The following LUZP4 variants were observed in gnomAD, a reference collection of about 807,000 sequenced individuals.
The protein encoded by LUZP4 is leucine zipper protein 4.
A neutral mutation model predicts 8.5 loss-of-function variants in LUZP4; 11 were observed. The ratio of observed to expected loss-of-function variants is 1.30; its 90% CI spans 0.82 to 2.14. The LOEUF is 2.14. Among genes scored for constraint, LUZP4 ranks in the 30% most tolerant of loss-of-function variants. LUZP4 has a pLI of 0.00. For synonymous variants in LUZP4, 104 were observed against 79.4 expected (o/e 1.31, Z -1.65); for missense variants, 276 against 229.7 (o/e 1.20, Z -1.30).
At chrX:115,303,847 C>G (rs2073408841) in intron 3 of LUZP4, among the ~76,000 whole-genome samples, 1 of 111,798 alleles carries the variant, frequency 8.9e-6, no homozygotes, top group African/African-American at 3.3e-5. Flanking sequence ...CACAGACTAT[C>G]CCTGTACAAA....
At chrX:115,296,351 G>T (rs1355978601) in intron 1 of LUZP4, among the ~76,000 whole-genome samples, 2 of 111,323 alleles carry the variant, frequency 1.8e-5, no homozygotes, top group Non-Finnish European at 3.8e-5. Context: ...AGTATATCAA[G>T]AATTCAAATT....
In LUZP4 at chrX:115,289,912, C is replaced by T; in HGVS notation, c.91+62C>T. The T allele has an allele frequency of 7.2e-6, 6 of 829,845 alleles. No homozygotes were observed. The South Asian group carries it at 1.1e-4, about 15-fold the overall frequency. 68.4% of individuals were successfully genotyped at this position (829,845 alleles called of 1,213,427 possible). A position where few individuals can be genotyped will look rare whatever the true frequency, so the allele number is the denominator to read the frequency against. Reference sequence around the variant, plus strand: ...GGCTCACTGGTCTTGAGCGCAAGACCTCGGCATAGCGCTTACTAGAAGTGG... The same window carrying T: ...GGCTCACTGGTCTTGAGCGCAAGACTTCGGCATAGCGCTTACTAGAAGTGG... On this transcript the variant is annotated intron_variant, in intron 1 of 3. Coordinates refer to ENST00000371920, the MANE Select transcript of LUZP4 (RefSeq NM_016383.5).
chrX:115,306,131 T>C, intron 3 of LUZP4, 74 bp from the exon 4 acceptor site: 1 of 1,053,880 alleles, frequency 9.5e-7, no homozygotes, highest in Non-Finnish European at 1.3e-6. Flanking sequence ...AAAATGGTCT[T>C]GAGAATATAT....
intron 1 of LUZP4, among the ~76,000 whole-genome samples, chrX:115,291,230 G>C (rs1280406794): frequency 2.7e-5 from 3 of 111,240 alleles, no homozygotes; most frequent in Non-Finnish European, 5.7e-5. Context: ...CTCTCGAGTA[G>C]CTGGAACCAC....
At position 115,307,476 on chromosome X, in the gene LUZP4, G is replaced by T. The variant is rs924020783; in HGVS notation, c.*672G>T. 1 of 112,117 alleles carries T rather than the reference G, an allele frequency of 8.9e-6. No individual in the cohort carries two copies. Among genetic ancestry groups the T allele is most frequent in the Non-Finnish European group, 1.9e-5 (1 of 53,326 alleles). The allele number at this position is 112,117 out of a possible 1,213,427, so 9.2% of individuals were successfully genotyped here. A position where few individuals can be genotyped will look rare whatever the true frequency, so the allele number is the denominator to read the frequency against. Reference sequence around the variant, plus strand: ...GCAAAAGAAACACAGAAATTTAAATGTACTGGGAGTTATGTTGTTAAAAAC... The same window carrying T: ...GCAAAAGAAACACAGAAATTTAAATTTACTGGGAGTTATGTTGTTAAAAAC... On this transcript the variant is annotated 3_prime_UTR_variant, in exon 4 of 4. Coordinates refer to ENST00000371920, the MANE Select transcript of LUZP4 (RefSeq NM_016383.5).
rs187247784 is a variant in LUZP4 at position 115,300,117 on chromosome X, G to T, written c.92-1875G>T. ...CCTCTCTTCTCAAGTGGAAGGGTGG[G>T]TCTCTTTTGGAGCTGTGAGCTGTCC... is the stretch of plus-strand genomic sequence containing the variant. On this transcript the variant is annotated intron_variant, in intron 1 of 3. Transcript: ENST00000371920. 4.7e-4 allele frequency among the ~76,000 whole-genome samples: 52 copies of T among 111,381 alleles called. No individual in the cohort carries two copies. The East Asian group carries it at 0.013, about 28-fold the overall frequency.
intron 1 of LUZP4, among the ~76,000 whole-genome samples, chrX:115,299,027 C>T (rs1256714230): frequency 1.8e-5 from 2 of 111,868 alleles, no homozygotes; most frequent in East Asian, 2.8e-4. Flanking sequence ...AGCCCAGTAA[C>T]GCTATGGTTC....
At chrX:115,298,754 C>G (rs1345848828) in intron 1 of LUZP4, among the ~76,000 whole-genome samples, 1 of 111,745 alleles carries the variant, frequency 8.9e-6, no homozygotes. Context: ...TTGGAATTCT[C>G]TGTCTGAAAG....
chrX:115,304,181 C>G (rs1020569259), intron 3 of LUZP4, among the ~76,000 whole-genome samples: 17 of 112,250 alleles, frequency 1.5e-4, no homozygotes, highest in Non-Finnish European at 1.9e-5. Context: ...TCTATGCAGG[C>G]ACTATGATAC....
At chrX:115,303,195 C>T in intron 2 of LUZP4, 105 bp from the exon 3 acceptor site, 1 of 423,260 alleles carries the variant, frequency 2.4e-6, no homozygotes, top group Non-Finnish European at 4.1e-6. Context: ...AAAAGTTTTG[C>T]AAAACCCAGT....
chrX:115,295,102 C>G (rs1348869403), intron 1 of LUZP4, among the ~76,000 whole-genome samples: 1 of 111,316 alleles, frequency 9.0e-6, no homozygotes, highest in Non-Finnish European at 1.9e-5. Context: ...TTTTTTGAGA[C>G]AGGGTCTCTG....
chrX:115,296,472 GC>G (rs1480753753), intron 1 of LUZP4, among the ~76,000 whole-genome samples: 1 of 111,549 alleles, frequency 9.0e-6, no homozygotes, highest in Non-Finnish European at 1.9e-5. Context: ...AATGAACAAA[GC>G]CCCGTGTCTC....
intron 3 of LUZP4, among the ~76,000 whole-genome samples, chrX:115,304,155 A>G (rs1297045507): frequency 8.9e-6 from 1 of 112,649 alleles, no homozygotes; most frequent in African/African-American, 3.2e-5. Context: ...TGTTCAAATT[A>G]TGATTCAATG....
At chrX:115,297,668 T>G (rs1189442291) in intron 1 of LUZP4, among the ~76,000 whole-genome samples, 1 of 111,635 alleles carries the variant, frequency 9.0e-6, no homozygotes, top group Non-Finnish European at 1.9e-5. Context: ...TTTCTCTTGC[T>G]GCTTTTAGGA....
chrX:115,297,953 A>C (rs1438070972), intron 1 of LUZP4, among the ~76,000 whole-genome samples: 2 of 109,215 alleles, frequency 1.8e-5, no homozygotes, highest in Non-Finnish European at 3.8e-5. Flanking sequence ...AACTGGGATT[A>C]CAGGTACATG....
At chrX:115,289,920 A>G (rs2073340781) in intron 1 of LUZP4, 70 bp downstream of exon 1, 1 of 777,274 alleles carries the variant, frequency 1.3e-6, no homozygotes, top group Non-Finnish European at 1.9e-6. Context: ...ACCTCGGCAT[A>G]GCGCTTACTA....
At chrX:115,298,097 C>T (rs1346547901) in intron 1 of LUZP4, among the ~76,000 whole-genome samples, 1 of 106,423 alleles carries the variant, frequency 9.4e-6, no homozygotes, top group Non-Finnish European at 1.9e-5. Flanking sequence ...TTTGAATAAA[C>T]TTGCTCTGTC....
rs1208828561 is a variant in LUZP4, at chrX:115,307,032, T to C, written c.*228T>C. The C allele has an allele frequency of 2.2e-5, 9 of 404,174 alleles. No homozygotes were observed. Among genetic ancestry groups the C allele is most frequent in the African/African-American group, 5.0e-5 (2 of 39,682 alleles). 33.3% of individuals were successfully genotyped at this position (404,174 alleles called of 1,213,427 possible). A position where few individuals can be genotyped will look rare whatever the true frequency, so the allele number is the denominator to read the frequency against. On this transcript the variant is annotated 3_prime_UTR_variant, in exon 4 of 4. Transcript: ENST00000371920. Reference sequence around the variant, plus strand: ...TTGTTCCCGGTAGGTCTGCTTTCCCTGGAAGAGCCGTATGTACTCAGCCTT... The same window carrying C: ...TTGTTCCCGGTAGGTCTGCTTTCCCCGGAAGAGCCGTATGTACTCAGCCTT...
At chrX:115,296,672 T>C (rs1267728428) in intron 1 of LUZP4, among the ~76,000 whole-genome samples, 2 of 109,404 alleles carry the variant, frequency 1.8e-5, no homozygotes, top group African/African-American at 6.7e-5. Flanking sequence ...ATTTCATCTC[T>C]AAGTCGTAGC....
Sources: allele counts gnomAD v4.1 joint callset (sites outside exome capture counted in the v4.1 genomes callset), GRCh38; gene constraint gnomAD v4.1.1; transcripts MANE v1.5; gene names NCBI Gene and HGNC (gene_info 2026-07-23, HGNC 2026-07-21).